Variants in SNX8 observed in about 807,000 individuals in gnomAD.
The protein encoded by SNX8 is sorting nexin-8.
Under a neutral mutation model 51.6 loss-of-function variants are expected in SNX8, and 25 were observed. The observed-to-expected ratio is 0.48, with a 90% CI of 0.35 to 0.68. The LOEUF is 0.68. Ranked by LOEUF, SNX8 falls within the 30% of genes least tolerant of loss-of-function variation. The probability of loss-of-function intolerance (pLI) is 0.00; values close to 1 mark genes in which losing one functional copy is unlikely to be tolerated. For missense variants in SNX8, 695 were observed against 624.0 expected (o/e 1.11, Z -1.21); for synonymous variants, 324 against 277.0 (o/e 1.17, Z -1.68).
At chr7:2,337,469 G>A (rs1426722673) in intron 1 of SNX8, among the ~76,000 whole-genome samples, 1 of 142,782 alleles carries the variant, frequency 7.0e-6, no homozygotes, top group Admixed American at 7.1e-5. Flanking sequence ...AAAAGTCTGT[G>A]CATTTCCCTT....
intron 1 of SNX8, among the ~76,000 whole-genome samples, chr7:2,309,280 G>C (rs148228309): frequency 0.036 from 5,482 of 152,256 alleles, 215 homozygotes; most frequent in African/African-American, 0.085. Flanking sequence ...CCAGCACTTT[G>C]GGAGGCCAAA....
At chr7:2,318,198 C>A (rs1423518022), upstream of SNX8, among the ~76,000 whole-genome samples, 1 of 152,134 alleles carries the variant, frequency 6.6e-6, no homozygotes, top group East Asian at 1.9e-4. Flanking sequence ...GCACAGGCCA[C>A]CATGCCCAGC....
chr7:2,256,252 G>A (rs1209375709), intron 10 of SNX8, among the ~76,000 whole-genome samples: 1 of 152,180 alleles, frequency 6.6e-6, no homozygotes, highest in Admixed American at 6.5e-5. Flanking sequence ...AGCACCTCCC[G>A]GGGACAGTGT....
chr7:2,292,705 C>A (rs901438338), intron 1 of SNX8, among the ~76,000 whole-genome samples: 1 of 152,126 alleles, frequency 6.6e-6, no homozygotes, highest in Non-Finnish European at 1.5e-5. Context: ...GCCACTGTGC[C>A]CGGCCCAGGC....
intron 1 of SNX8, among the ~76,000 whole-genome samples, chr7:2,294,579 G>A (rs1212320229): frequency 6.6e-6 from 1 of 152,230 alleles, no homozygotes; most frequent in African/African-American, 2.4e-5. Context: ...TGGGGGGACA[G>A]AACATGTACC....
At chr7:2,290,170 C>T (rs1167957065) in intron 1 of SNX8, among the ~76,000 whole-genome samples, 2 of 151,810 alleles carry the variant, frequency 1.3e-5, no homozygotes. Flanking sequence ...TCCAGCCTGG[C>T]GACAAGGGCA....
chr7:2,264,454 A>T lies in SNX8; in HGVS notation c.626T>A (p.Phe209Tyr), dbSNP rs781711465. Reference protein sequence around the residue: ...NCKLATRAKDFLPADIQAQFA... With the variant: ...NCKLATRAKDYLPADIQAQFA... ...CTGAGCCTGGATGTCAGCTGGGAGG[A>T]AGTCCTGACATCATGATGGGGGGAG... The change falls in exon 6 of 11, where the codon TTC (phenylalanine) becomes TAC (tyrosine). Residue 209 changes from phenylalanine (F) to tyrosine (Y), a missense_variant. By Grantham distance (22) the Phe-to-Tyr change is conservative. Coordinates refer to ENST00000222990, the MANE Select transcript of SNX8 (RefSeq NM_013321.4). The T allele has an allele frequency of 6.2e-6, 10 of 1,609,636 alleles. No homozygotes were observed. Among genetic ancestry groups the T allele is most frequent in the Non-Finnish European group, 8.5e-6 (10 of 1,179,260 alleles).
At position 2,264,354 on chromosome 7, in the gene SNX8, G is replaced by T. The variant is rs202075558; in HGVS notation, c.726C>A (p.Ile242=). ...FHKLRDRAER[I]ASRAIDNAAD... ...CCGCATTGTCGATGGCCCGCGATGC[G>T]ATCCGCTCGGCCCTGTCGCGAAGCT... Residue 242 remains isoleucine, a synonymous_variant, in exon 6 of 11, where the codon ATC becomes ATA. Transcript: ENST00000222990. 2.5e-6 allele frequency: 4 copies of T among 1,612,756 alleles called. No homozygotes were observed. The highest frequency in any genetic ancestry group is 1.3e-5 in the African/African-American group (1 of 74,914).
At chr7:2,298,214 C>T (rs919077533) in intron 1 of SNX8, among the ~76,000 whole-genome samples, 6 of 152,030 alleles carry the variant, frequency 3.9e-5, no homozygotes, top group African/African-American at 1.2e-4. Flanking sequence ...AACTCCCAGG[C>T]TCTAGTGATC....
chr7:2,353,359 C>T (rs1260561124), intron 1 of SNX8, among the ~76,000 whole-genome samples: 2 of 152,174 alleles, frequency 1.3e-5, no homozygotes. Flanking sequence ...GCACTCTAGC[C>T]TGGGCAACAG....
Position 2,337,537 on chromosome 7 carries a change from G to A in SNX8, c.-66+16685C>T, listed in dbSNP as rs557155302. Among the ~76,000 whole-genome samples the A allele has an allele frequency of 5.9e-5, 9 of 152,226 alleles. No homozygotes were observed. The South Asian group carries it at 1.4e-3, about 25-fold the overall frequency. Reference sequence around the variant, plus strand: ...ACATTTCTAGCCAAAAATCTCCAATGTATTTGGAAATGTAAAATAATCCAT... The same window carrying A: ...ACATTTCTAGCCAAAAATCTCCAATATATTTGGAAATGTAAAATAATCCAT... On this transcript the variant is annotated intron_variant, in intron 1 of 5. Coordinates refer to the SNX8 transcript ENST00000435336.
At chr7:2,348,543 G>A (rs920441619) in intron 1 of SNX8, among the ~76,000 whole-genome samples, 4 of 151,370 alleles carry the variant, frequency 2.6e-5, no homozygotes, top group Admixed American at 6.6e-5. Context: ...GGGTTTCACC[G>A]TGTTAGCCAG....
chr7:2,257,519 G>T lies in SNX8; in HGVS notation c.985-5C>A, dbSNP rs370540045. On this transcript the variant is annotated splice_polypyrimidine_tract_variant and splice_region_variant and intron_variant, in intron 8 of 10. Transcript: ENST00000222990. ...CTCATGCCGCTCGCACAGGTCCTGC[G>T]GGGCCGGGGGAGGCATTCGCCCGCT... The T allele has an allele frequency of 3.1e-6, 5 of 1,601,066 alleles. No individual in the cohort carries two copies. The highest frequency in any genetic ancestry group is 2.7e-5 in the African/African-American group (2 of 74,846).
At chr7:2,331,100 C>T (rs143749343) in intron 1 of SNX8, among the ~76,000 whole-genome samples, 2,095 of 146,784 alleles carry the variant, frequency 0.014, 55 homozygotes, top group African/African-American at 0.048. Flanking sequence ...GCAGGAGAAT[C>T]GCTTGAGCCA....
At chr7:2,348,596 C>T (rs937612346) in intron 1 of SNX8, among the ~76,000 whole-genome samples, 7 of 151,844 alleles carry the variant, frequency 4.6e-5, no homozygotes, top group Non-Finnish European at 8.8e-5. Flanking sequence ...CCGCCTCAGC[C>T]TCCCAAAGTG....
chr7:2,314,006 G>A (rs1325595139), intron 1 of SNX8, among the ~76,000 whole-genome samples: 1 of 152,228 alleles, frequency 6.6e-6, no homozygotes, highest in Non-Finnish European at 1.5e-5. Flanking sequence ...GGGGCGAGGA[G>A]GAAACTGTCC....
intron 1 of SNX8, among the ~76,000 whole-genome samples, chr7:2,351,694 G>A (rs898544319): frequency 6.6e-6 from 1 of 151,696 alleles, no homozygotes; most frequent in Non-Finnish European, 1.5e-5. Context: ...AGCCGGGTGT[G>A]GTGGCAGGCG....
rs1220766030 is a variant in SNX8, at chr7:2,256,882, G to A, written c.1276C>T (p.His426Tyr). 2 of 1,612,438 alleles carry A rather than the reference G, an allele frequency of 1.2e-6. No individual in the cohort carries two copies. The highest frequency in any genetic ancestry group is 1.7e-6 in the Non-Finnish European group (2 of 1,179,298). ...RAFVNSQIQG[H>Y]KEMSKVWNDL... The stretch of plus-strand genomic sequence containing the variant: ...GAGCAGGGCGGACTCACCTCCTTGT[G>A]CCCTTGGATCTGAGAGTTGACGAAG... Residue 426 changes from histidine (H) to tyrosine (Y), a missense_variant, in exon 10 of 11, where the codon CAC becomes TAC. His to Tyr is a moderately conservative substitution (Grantham distance 83, BLOSUM62 2). Coordinates refer to ENST00000222990, the MANE Select transcript of SNX8 (RefSeq NM_013321.4).
intron 1 of SNX8, among the ~76,000 whole-genome samples, chr7:2,312,967 G>A (rs1340317725): frequency 1.3e-5 from 2 of 151,928 alleles, no homozygotes; most frequent in Non-Finnish European, 2.9e-5. Context: ...GCGCTATCTC[G>A]GCTCACTACA....
Sources: allele counts gnomAD v4.1 joint callset (sites outside exome capture counted in the v4.1 genomes callset), GRCh38; gene constraint gnomAD v4.1.1; transcripts MANE v1.5; gene names NCBI Gene and HGNC (gene_info 2026-07-23, HGNC 2026-07-21).